ZC4H2: variants seen among roughly 807,000 people sequenced by gnomAD.
ZC4H2 encodes zinc finger C4H2 domain-containing protein.
For synonymous variants in ZC4H2, 84 were observed against 66.3 expected (o/e 1.27, Z -1.30); for missense variants, 137 against 173.9 (o/e 0.79, Z 1.19).
In ZC4H2 at chrX:65,013,181, T is replaced by G. The variant is rs1249253457; in HGVS notation, c.-272+21448A>C. On this transcript the variant is annotated intron_variant, in intron 1 of 4. Transcript: ENST00000337990. Reference sequence around the variant, plus strand: ...AGCAAGTGATATAGTCTCTGTGTGGTCTAATCCAAGTCAGTGTCTAACCTC... The same window carrying G: ...AGCAAGTGATATAGTCTCTGTGTGGGCTAATCCAAGTCAGTGTCTAACCTC... 5.4e-5 allele frequency among the ~76,000 whole-genome samples: 6 copies of G among 111,918 alleles called. No individual in the cohort carries two copies. The Admixed American group carries it at 5.7e-4, about 11-fold the overall frequency.
At chrX:64,948,714 C>T (rs1930655613) in intron 1 of ZC4H2, among the ~76,000 whole-genome samples, 1 of 111,393 alleles carries the variant, frequency 9.0e-6, no homozygotes, top group South Asian at 3.7e-4. Context: ...TGGAGAGTTA[C>T]CATTATAACA....
At chrX:64,926,718 C>T (rs1331160428) in intron 1 of ZC4H2, among the ~76,000 whole-genome samples, 2 of 111,954 alleles carry the variant, frequency 1.8e-5, no homozygotes, top group Non-Finnish European at 3.8e-5. Context: ...AACTGGATTA[C>T]CATTGACCCT....
At chrX:65,016,942 T>C in intron 1 of ZC4H2, among the ~76,000 whole-genome samples, 2 of 112,273 alleles carry the variant, frequency 1.8e-5, no homozygotes, top group Non-Finnish European at 3.8e-5. Context: ...GCCTGGTCTG[T>C]AGTCTAGTGT....
At chrX:64,946,782 T>C (rs1930556727) in intron 1 of ZC4H2, among the ~76,000 whole-genome samples, 1 of 111,588 alleles carries the variant, frequency 9.0e-6, no homozygotes, top group African/African-American at 3.3e-5. Flanking sequence ...TGTGTATATG[T>C]TGTTTTAAAT....
At chrX:65,010,417 C>T (rs1197252955) in intron 1 of ZC4H2, among the ~76,000 whole-genome samples, 2 of 112,582 alleles carry the variant, frequency 1.8e-5, no homozygotes, top group East Asian at 5.6e-4. Flanking sequence ...TATTAAGTCA[C>T]ATTAGGGCTT....
intron 1 of ZC4H2, among the ~76,000 whole-genome samples, chrX:64,924,612 G>A (rs1219770029): frequency 1.8e-5 from 2 of 111,814 alleles, no homozygotes; most frequent in Non-Finnish European, 3.8e-5. Flanking sequence ...GTCAGAGGAG[G>A]CTTCCCTGAG....
chrX:64,991,156 C>T (rs1464301294), intron 1 of ZC4H2, among the ~76,000 whole-genome samples: 1 of 111,795 alleles, frequency 8.9e-6, no homozygotes, highest in East Asian at 2.8e-4. Flanking sequence ...AGTATCATTA[C>T]CTGGAAAATT....
intron 3 of ZC4H2, chrX:64,919,823 C>A (rs1026174428): frequency 3.2e-6 from 1 of 315,309 alleles, no homozygotes; most frequent in East Asian, 4.8e-5. Flanking sequence ...ATTTAAAAAG[C>A]CACCTAGTAG....
chrX:64,998,013 C>A (rs1219618234), intron 1 of ZC4H2, among the ~76,000 whole-genome samples: 1 of 111,280 alleles, frequency 9.0e-6, no homozygotes, highest in Non-Finnish European at 1.9e-5. Flanking sequence ...TACATGGTAA[C>A]CATAAAATAT....
intron 1 of ZC4H2, among the ~76,000 whole-genome samples, chrX:64,933,381 T>A (rs1427847132): frequency 1.8e-5 from 2 of 111,853 alleles, no homozygotes; most frequent in East Asian, 2.8e-4. Flanking sequence ...TTGGTTTGGA[T>A]CCAATGCTGG....
intron 1 of ZC4H2, among the ~76,000 whole-genome samples, chrX:64,966,007 A>G (rs1381755403): frequency 9.0e-6 from 1 of 110,824 alleles, no homozygotes; most frequent in Non-Finnish European, 1.9e-5. Context: ...AAGACAATGA[A>G]AAGATAAGTC....
chrX:65,000,157 C>G (rs1932507152), intron 1 of ZC4H2, among the ~76,000 whole-genome samples: 1 of 112,007 alleles, frequency 8.9e-6, no homozygotes, highest in Admixed American at 9.4e-5. Context: ...GGAGAAATCT[C>G]CCAGCAGGCG....
At chrX:64,926,119 C>A (rs967202903) in intron 1 of ZC4H2, among the ~76,000 whole-genome samples, 1 of 111,918 alleles carries the variant, frequency 8.9e-6, no homozygotes, top group African/African-American at 3.3e-5. Context: ...AATGTCACTG[C>A]AGGCTTTGAT....
Position 64,918,755 on chromosome X carries a change from C to A in ZC4H2, c.561+287G>T, listed in dbSNP as rs752262418. On this transcript the variant is annotated intron_variant, in intron 4 of 4. Coordinates refer to ENST00000374839, the MANE Select transcript of ZC4H2 (RefSeq NM_018684.4). ...CTGGTTCCCTCATTTATGATACATG[C>A]TCATTACATCTTTGTGTAAGAGTCA... 1.8e-5 allele frequency: 4 copies of A among 228,529 alleles called. No individual in the cohort carries two copies. The South Asian group carries it at 1.0e-3, about 58-fold the overall frequency. The allele number at this position is 228,529 out of a possible 1,213,427, so 18.8% of individuals were successfully genotyped here. A position where few individuals can be genotyped will look rare whatever the true frequency, so the allele number is the denominator to read the frequency against.
intron 1 of ZC4H2, among the ~76,000 whole-genome samples, chrX:64,974,972 C>CAA (rs1931896323): frequency 1.6e-5 from 1 of 60,663 alleles, no homozygotes. Context: ...GATGCTTTTG[C>CAA]CAAAAAAAAA....
intron 1 of ZC4H2, among the ~76,000 whole-genome samples, chrX:65,019,188 G>A (rs1243939522): frequency 3.6e-5 from 4 of 111,816 alleles, no homozygotes; most frequent in Non-Finnish European, 5.7e-5. Flanking sequence ...GGTCTGATAA[G>A]GGACAGACTG....
chrX:65,000,305 T>C (rs1215927883), intron 1 of ZC4H2, among the ~76,000 whole-genome samples: 1 of 111,714 alleles, frequency 9.0e-6, no homozygotes, highest in Admixed American at 9.5e-5. Flanking sequence ...GCAAACAGGG[T>C]CTGGAGTGGA....
At chrX:64,967,999 A>G (rs1184237131) in intron 1 of ZC4H2, among the ~76,000 whole-genome samples, 4 of 111,933 alleles carry the variant, frequency 3.6e-5, no homozygotes, top group Non-Finnish European at 7.5e-5. Context: ...CAGTAGCCTC[A>G]GAGAAGAAAA....
chrX:65,022,232 T>C (rs775663615), intron 1 of ZC4H2, among the ~76,000 whole-genome samples: 1 of 111,518 alleles, frequency 9.0e-6, no homozygotes, highest in Non-Finnish European at 1.9e-5. Flanking sequence ...AAAAAGAAAA[T>C]TTCAGGCCAA....
Sources: gnomAD v4.1 joint callset for allele counts (sites outside exome capture counted in the v4.1 genomes callset) on GRCh38, gnomAD v4.1.1 for gene constraint, MANE v1.5 for transcripts, NCBI Gene and HGNC (gene_info 2026-07-23, HGNC 2026-07-21) for gene names.